Variants in SMOC2 observed in about 807,000 individuals in gnomAD.
SMOC2 encodes the protein SPARC related modular calcium binding 2, also known as SPARC-related modular calcium-binding protein 2.
In SMOC2, 39 loss-of-function variants were observed where a neutral mutation model predicts 61.4. The observed-to-expected ratio is 0.64, with a 90% CI of 0.49 to 0.83. SMOC2 has a LOEUF of 0.83. Ranked by LOEUF, SMOC2 falls within the 40% of genes least tolerant of loss-of-function variation. The probability of loss-of-function intolerance (pLI) is 0.00; values close to 1 mark genes in which losing one functional copy is unlikely to be tolerated. For missense variants in SMOC2, 556 were observed against 592.9 expected (o/e 0.94, Z 0.65); for synonymous variants, 247 against 239.9 (o/e 1.03, Z -0.27).
intron 1 of SMOC2, among the ~76,000 whole-genome samples, chr6:168,468,832 A>G (rs1781902883): frequency 6.6e-6 from 1 of 152,198 alleles, no homozygotes; most frequent in Non-Finnish European, 1.5e-5. Context: ...CCACACCCGG[A>G]GGATTATGAA....
chr6:168,627,711 G>A (rs1290123145), intron 9 of SMOC2, among the ~76,000 whole-genome samples: 1 of 152,188 alleles, frequency 6.6e-6, no homozygotes, highest in African/African-American at 2.4e-5. Context: ...TACAGTAGGA[G>A]CCACTGTGCC....
intron 1 of SMOC2, among the ~76,000 whole-genome samples, chr6:168,463,496 C>T (rs1035446207): frequency 6.6e-5 from 10 of 152,108 alleles, no homozygotes; most frequent in Middle Eastern, 3.4e-3. Flanking sequence ...TAATGCATGT[C>T]GACATTTAAG....
At chr6:168,505,076 G>A (rs1782835026) in intron 1 of SMOC2, among the ~76,000 whole-genome samples, 1 of 151,274 alleles carries the variant, frequency 6.6e-6, no homozygotes, top group South Asian at 2.1e-4. Flanking sequence ...CCATCTCTCA[G>A]ATGCCAGGTG....
chr6:168,560,514 C>G lies in SMOC2; in HGVS notation c.637+11311C>G, dbSNP rs574095108. Among the ~76,000 whole-genome samples the G allele has an allele frequency of 2.0e-4, 30 of 146,360 alleles. 2 individuals carry two copies. The highest frequency in any genetic ancestry group is 7.5e-4 in the African/African-American group (30 of 40,212). On this transcript the variant is annotated intron_variant, in intron 7 of 12. Transcript: ENST00000356284. ...TTCTGGCCCTGAGATGTGAGGCTCTCACTGCGTTCTTGGAGGAGGTGTCAT... is the reference window on the plus strand; with the variant it reads ...TTCTGGCCCTGAGATGTGAGGCTCTGACTGCGTTCTTGGAGGAGGTGTCAT...
intron 1 of SMOC2, among the ~76,000 whole-genome samples, chr6:168,501,960 C>G (rs980868033): frequency 6.6e-6 from 1 of 152,212 alleles, no homozygotes; most frequent in South Asian, 2.1e-4. Flanking sequence ...AGGGCTGAGC[C>G]CCTGCCCTCT....
intron 11 of SMOC2, among the ~76,000 whole-genome samples, chr6:168,663,592 G>A (rs2115293809): frequency 6.6e-6 from 1 of 150,740 alleles, no homozygotes; most frequent in Non-Finnish European, 1.5e-5. Context: ...GAATCTGTAT[G>A]TTAGAAAGTA....
intron 9 of SMOC2, among the ~76,000 whole-genome samples, chr6:168,617,607 C>T (rs887548987): frequency 6.6e-6 from 1 of 152,242 alleles, no homozygotes; most frequent in Non-Finnish European, 1.5e-5. Context: ...AGCTCTCTTG[C>T]ATCTCGCTGG....
chr6:168,476,015 C>T (rs1456031873), intron 1 of SMOC2, among the ~76,000 whole-genome samples: 1 of 152,138 alleles, frequency 6.6e-6, no homozygotes, highest in Non-Finnish European at 1.5e-5. Context: ...TCCGGTCTCA[C>T]AGGTACAGAG....
At chr6:168,651,773 G>T (rs995260748) in intron 10 of SMOC2, among the ~76,000 whole-genome samples, 1 of 152,186 alleles carries the variant, frequency 6.6e-6, no homozygotes, top group African/African-American at 2.4e-5. Context: ...GGGCGCAGGG[G>T]CTCACGCCTG....
intron 1 of SMOC2, among the ~76,000 whole-genome samples, chr6:168,445,056 C>A (rs748075802): frequency 8.5e-5 from 13 of 152,166 alleles, no homozygotes; most frequent in African/African-American, 3.1e-4. Context: ...CGCACGACTT[C>A]GTTAAAGGTA....
chr6:168,448,392 T>C (rs544657036), intron 1 of SMOC2, among the ~76,000 whole-genome samples: 290 of 120,138 alleles, frequency 2.4e-3, no homozygotes, highest in Non-Finnish European at 4.3e-3. Context: ...ATGGGGAGAA[T>C]GGAGATGGGG....
chr6:168,516,662 T>C (rs1223437804), intron 2 of SMOC2, among the ~76,000 whole-genome samples: 2 of 152,108 alleles, frequency 1.3e-5, no homozygotes, highest in Non-Finnish European at 2.9e-5. Flanking sequence ...TCCACAGGTA[T>C]CACAATCAGA....
At chr6:168,644,763 C>T (rs370209390) in intron 9 of SMOC2, among the ~76,000 whole-genome samples, 2 of 150,484 alleles carry the variant, frequency 1.3e-5, no homozygotes, top group African/African-American at 4.9e-5. Flanking sequence ...GATTCTCACA[C>T]CTCAGCCTCC....
In SMOC2 at chr6:168,628,110, G is replaced by A. The variant is rs114413061; in HGVS notation, c.907+19871G>A. Reference sequence around the variant, plus strand: ...TGCCTTCCTTGGCCTCCCTGGGCGCGCCTGTGGCCCCCTAGGTTTGCCATG... The same window carrying A: ...TGCCTTCCTTGGCCTCCCTGGGCGCACCTGTGGCCCCCTAGGTTTGCCATG... On this transcript the variant is annotated intron_variant, in intron 9 of 12. Transcript: ENST00000356284. 6.2e-3 allele frequency among the ~76,000 whole-genome samples: 952 copies of A among 152,338 alleles called. 16 individuals carry two copies. Among genetic ancestry groups the A allele is most frequent in the African/African-American group, 0.02 (831 of 41,580 alleles).
At chr6:168,563,212 T>A (rs1004352362) in intron 7 of SMOC2, among the ~76,000 whole-genome samples, 5 of 152,220 alleles carry the variant, frequency 3.3e-5, no homozygotes, top group Admixed American at 6.5e-5. Flanking sequence ...TCACTTTTCA[T>A]TTTATGGCAT....
rs1006428391 is a variant in SMOC2, at chr6:168,523,710, A to G, written c.257-2636A>G. Among the ~76,000 whole-genome samples the G allele has an allele frequency of 2.6e-5, 4 of 152,124 alleles. No individual in the cohort carries two copies. The East Asian group carries it at 7.7e-4, about 29-fold the overall frequency. On this transcript the variant is annotated intron_variant, in intron 2 of 12. Transcript: ENST00000356284. ...CTCCGCACCTGGCCGTCATACAGTA[A>G]TTTAAAAAATTATGTTGCTTATGTT...
rs756625876 is a variant in SMOC2, at chr6:168,510,073, A to G, written c.243A>G (p.Arg81=). The part of the protein sequence containing the change: ...CKDPQLEIAY[R]GNCKDVSRCV... ...ATCCCCAGCTAGAGATTGCATATCGAGGAAACTGCAAAGGTAAGCTGCTGT... is the reference window on the plus strand; with the variant it reads ...ATCCCCAGCTAGAGATTGCATATCGGGGAAACTGCAAAGGTAAGCTGCTGT... The change falls in exon 2 of 13, where the codon CGA becomes CGG. Residue 81 remains arginine, a synonymous_variant. Transcript: ENST00000356284. 95 of 1,613,998 alleles carry G rather than the reference A, an allele frequency of 5.9e-5. No individual in the cohort carries two copies. Among genetic ancestry groups the G allele is most frequent in the Non-Finnish European group, 7.5e-5 (89 of 1,179,942 alleles).
intron 9 of SMOC2, among the ~76,000 whole-genome samples, chr6:168,612,470 C>T (rs140388159): frequency 1.4e-4 from 20 of 148,084 alleles, no homozygotes; most frequent in East Asian, 8.1e-4. Context: ...AGAGGGTGAC[C>T]GCAGCCTTTA....
Position 168,453,548 on chromosome 6 carries a change from A to G in SMOC2, c.84+12094A>G, listed in dbSNP as rs200767452. On this transcript the variant is annotated intron_variant, in intron 1 of 12. Transcript: ENST00000356284. This position sits in a 1 kb window ranked among gnomAD's most constrained non-coding sequence, Gnocchi z 4.4. ...TCTCTGTCTCTTTGTCTCTCTCTGT[A>G]CCTGTCTCTCTGATTCTCTCAGTCT... is the stretch of plus-strand genomic sequence containing the variant. Among the ~76,000 whole-genome samples the G allele has an allele frequency of 1.4e-5, 2 of 146,320 alleles. No homozygotes were observed. Among genetic ancestry groups the G allele is most frequent in the Non-Finnish European group, 3.0e-5 (2 of 66,442 alleles).
Sources: allele counts gnomAD v4.1 joint callset (sites outside exome capture counted in the v4.1 genomes callset), GRCh38; gene constraint gnomAD v4.1.1; non-coding constraint Gnocchi (gnomAD v3.1); transcripts MANE v1.5; gene names NCBI Gene and HGNC (gene_info 2026-07-23, HGNC 2026-07-21).